The following LIN28B variants were observed in gnomAD, a reference collection of about 807,000 sequenced individuals.
LIN28B encodes protein lin-28 homolog B.
Under a neutral mutation model 21.9 loss-of-function variants are expected in LIN28B, and 5 were observed. That is an observed-to-expected ratio of 0.23 (90% confidence interval 0.12 to 0.48). The LOEUF is 0.48. LIN28B is among the 20% of genes least tolerant of loss of function. The pLI is 0.98. For missense variants in LIN28B, 245 were observed against 310.5 expected (o/e 0.79, Z 1.58); for synonymous variants, 109 against 111.3 (o/e 0.98, Z 0.13).
intron 2 of LIN28B, among the ~76,000 whole-genome samples, chr6:104,969,595 G>A (rs1034098261): frequency 6.6e-6 from 1 of 152,194 alleles, no homozygotes. Context: ...TCATTGCATT[G>A]CAGCTTATTT....
At chr6:104,984,152 G>A (rs1770283841) in intron 2 of LIN28B, among the ~76,000 whole-genome samples, 1 of 152,092 alleles carries the variant, frequency 6.6e-6, no homozygotes, top group South Asian at 2.1e-4. Context: ...AGATATATAA[G>A]AGCTTTCTCT....
chr6:105,078,388 GA>G, intron 3 of LIN28B, 25 bp from the exon 4 acceptor site: 8 of 1,573,312 alleles, frequency 5.1e-6, no homozygotes, highest in Non-Finnish European at 6.1e-6. Context: ...CTACTTCTAA[GA>G]TGTTTTCATC....
At chr6:104,995,024 G>A (rs954481467) in intron 2 of LIN28B, among the ~76,000 whole-genome samples, 15 of 152,150 alleles carry the variant, frequency 9.9e-5, no homozygotes, top group South Asian at 2.1e-4. Context: ...AATACTCACT[G>A]GAGCATTTTG....
rs186303454 is a variant in LIN28B, at chr6:105,074,333, G to T, written c.384-4081G>T. Among the ~76,000 whole-genome samples, 234 of 152,120 alleles carry T rather than the reference G, an allele frequency of 1.5e-3. 1 individual carries two copies. Among genetic ancestry groups the T allele is most frequent in the African/African-American group, 5.2e-3 (217 of 41,488 alleles). On this transcript the variant is annotated intron_variant, in intron 3 of 3. Transcript: ENST00000345080. ...CTGCCTCAGCCTCCCAAGTAGCTGG[G>T]ACTACAGGCCCCCGCCACCATGCCC... is the stretch of plus-strand genomic sequence containing the variant.
At chr6:104,946,828 A>G (rs1778161551) in intron 2 of LIN28B, among the ~76,000 whole-genome samples, 1 of 152,296 alleles carries the variant, frequency 6.6e-6, no homozygotes, top group East Asian at 1.9e-4. Flanking sequence ...TGTACTTTAC[A>G]CTTATGTTAT....
chr6:104,971,055 C>G (rs998885132), intron 2 of LIN28B, among the ~76,000 whole-genome samples: 3 of 151,966 alleles, frequency 2.0e-5, no homozygotes, highest in African/African-American at 7.2e-5. Flanking sequence ...TACTTGTATT[C>G]AAATGTTTAA....
intron 3 of LIN28B, among the ~76,000 whole-genome samples, chr6:105,029,249 G>T (rs1483127336): frequency 1.3e-5 from 2 of 152,182 alleles, no homozygotes; most frequent in African/African-American, 4.8e-5. Context: ...CAAAGCAGTG[G>T]CTAAATGGAA....
At chr6:104,950,985 G>T (rs929409976) in intron 3 of LIN28B, among the ~76,000 whole-genome samples, 1 of 152,000 alleles carries the variant, frequency 6.6e-6, no homozygotes, top group African/African-American at 2.4e-5. Context: ...GACATTTTGA[G>T]GAAATTTTTC....
intron 2 of LIN28B, among the ~76,000 whole-genome samples, chr6:104,989,273 G>A (rs1488953435): frequency 1.3e-5 from 2 of 151,956 alleles, no homozygotes; most frequent in African/African-American, 4.8e-5. Context: ...TCAGAGTAGG[G>A]CAGTGATGCA....
At chr6:105,069,446 T>C (rs1772287273) in intron 3 of LIN28B, among the ~76,000 whole-genome samples, 1 of 151,848 alleles carries the variant, frequency 6.6e-6, no homozygotes, top group Non-Finnish European at 1.5e-5. Flanking sequence ...GTAAATTTGC[T>C]GGGTGCAGTG....
chr6:104,944,277 C>CT lies in LIN28B; in HGVS notation c.19-6181dup, dbSNP rs1319481563. On this transcript the variant is annotated intron_variant, in intron 2 of 5. Coordinates refer to the LIN28B transcript ENST00000635857. ...ATAGGATCAATGCTAGAGGTTTTCT[C>CT]TTTCTTTGAAAGCTGCCACTTGCAG... is the stretch of plus-strand genomic sequence containing the variant. Among the ~76,000 whole-genome samples the CT allele has an allele frequency of 2.0e-5, 3 of 152,088 alleles. No homozygotes were observed. The East Asian group carries it at 5.8e-4, about 29-fold the overall frequency.
At chr6:105,060,972 A>T (rs1276835182) in intron 3 of LIN28B, among the ~76,000 whole-genome samples, 2 of 151,784 alleles carry the variant, frequency 1.3e-5, no homozygotes, top group African/African-American at 4.8e-5. Context: ...GATCTTGGTG[A>T]CTCTAGAAAG....
At chr6:104,938,446 G>A (rs563683458) in intron 2 of LIN28B, among the ~76,000 whole-genome samples, 20 of 152,008 alleles carry the variant, frequency 1.3e-4, no homozygotes, top group South Asian at 1.0e-3. Flanking sequence ...TGAGACCAGC[G>A]TGGGCAACAT....
chr6:105,078,710 C>G lies in LIN28B; in HGVS notation c.680C>G (p.Ser227Cys), dbSNP rs766633432. The G allele has an allele frequency of 6.2e-7, 1 of 1,614,090 alleles. No individual in the cohort carries two copies. ...GGCAGGTCACCTCAAGAAGCTTCCT[C>G]CACGAAGTCATCTATAGCACCAGAA... Reference protein sequence around the residue: ...RSGRSPQEASSTKSSIAPEEQ... With the variant: ...RSGRSPQEASCTKSSIAPEEQ... Residue 227 changes from serine to cysteine, a missense_variant, in exon 4 of 4, where the codon TCC (serine) becomes TGC (cysteine). Physicochemically the swap from Ser to Cys is moderately radical, Grantham distance 112 (BLOSUM62 -1). Coordinates refer to ENST00000345080, the MANE Select transcript of LIN28B (RefSeq NM_001004317.4).
intron 2 of LIN28B, among the ~76,000 whole-genome samples, chr6:104,982,430 C>T (rs1380688373): frequency 6.6e-6 from 1 of 151,944 alleles, no homozygotes; most frequent in Non-Finnish European, 1.5e-5. Context: ...TTGTGTGGTA[C>T]ATTAGTTATT....
chr6:104,978,900 T>C (rs1023488142), intron 2 of LIN28B, among the ~76,000 whole-genome samples: 3 of 152,182 alleles, frequency 2.0e-5, no homozygotes, highest in African/African-American at 7.2e-5. Context: ...CTTTTTAGTC[T>C]AAGCATGGCA....
rs571754829 is a variant in LIN28B at position 104,993,239 on chromosome 6, G to A, written c.199-33059G>A. Among the ~76,000 whole-genome samples the A allele has an allele frequency of 5.7e-4, 87 of 152,246 alleles. 1 individual carries two copies. The South Asian group carries it at 0.017, about 29-fold the overall frequency. On this transcript the variant is annotated intron_variant, in intron 2 of 3. Transcript: ENST00000345080. ...TCCCAGCACTTAGGAAGACTGAGGTGGGAGGATCACATGAGGCGAGTTCAG... is the reference window on the plus strand; with the variant it reads ...TCCCAGCACTTAGGAAGACTGAGGTAGGAGGATCACATGAGGCGAGTTCAG...
chr6:105,044,863 T>G (rs1183245037), intron 3 of LIN28B, among the ~76,000 whole-genome samples: 1 of 152,116 alleles, frequency 6.6e-6, no homozygotes, highest in Non-Finnish European at 1.5e-5. Context: ...TAAAGTTGTA[T>G]TTCTAGTCAT....
At chr6:104,963,839 A>G (rs978250578) in intron 2 of LIN28B, among the ~76,000 whole-genome samples, 1 of 152,224 alleles carries the variant, frequency 6.6e-6, no homozygotes, top group Admixed American at 6.5e-5. Context: ...ACTATTCACA[A>G]CAAATGAATG....
Sources: allele counts gnomAD v4.1 joint callset (sites outside exome capture counted in the v4.1 genomes callset), GRCh38; gene constraint gnomAD v4.1.1; transcripts MANE v1.5; gene names NCBI Gene and HGNC (gene_info 2026-07-23, HGNC 2026-07-21).